The following CHRDL1 variants were observed in gnomAD, a reference collection of about 807,000 sequenced individuals.
CHRDL1 encodes the protein chordin-like protein 1.
CHRDL1 carries 19 observed loss-of-function variants against 40.9 expected under a neutral mutation model. The ratio of observed to expected loss-of-function variants is 0.46; its 90% confidence interval spans 0.32 to 0.68. The LOEUF (loss-of-function observed/expected upper bound fraction) is 0.68, where lower values mean the gene tolerates loss of function less well. CHRDL1 is among the 30% of genes least tolerant of loss of function. The probability of loss-of-function intolerance (pLI) is 0.03; values close to 1 mark genes in which losing one functional copy is unlikely to be tolerated. For missense variants in CHRDL1, 329 were observed against 352.1 expected, an observed-to-expected ratio of 0.93 and a Z score of 0.53; for synonymous variants, 136 against 123.4, an observed-to-expected ratio of 1.10 and a Z score of -0.68.
At chrX:110,751,618 T>G (rs1235934804) in intron 4 of CHRDL1, among the ~76,000 whole-genome samples, 2 of 111,721 alleles carry the variant, frequency 1.8e-5, no homozygotes, top group African/African-American at 6.5e-5. Context: ...AAAGACAAAA[T>G]GTAATAGATT....
In CHRDL1 at chrX:110,741,722, T is replaced by C. The variant is rs762703838; in HGVS notation, c.301+17939A>G. 3.6e-5 allele frequency among the ~76,000 whole-genome samples: 4 copies of C among 112,076 alleles called. No individual in the cohort carries two copies. The South Asian group carries it at 1.5e-3, about 42-fold the overall frequency. On this transcript the variant is annotated intron_variant, in intron 4 of 11. Transcript: ENST00000372042. ...TTTCTCCAGTGTCCTTGGCATCTGA[T>C]GACTACACTTGGGCTTAAGATTTTT...
At chrX:110,714,936 A>C (rs1409300967) in intron 6 of CHRDL1, among the ~76,000 whole-genome samples, 5 of 111,913 alleles carry the variant, frequency 4.5e-5, no homozygotes, top group Non-Finnish European at 9.4e-5. Flanking sequence ...AAAAATAACT[A>C]GGTGCTTCAA....
chrX:110,792,784 C>T (rs963192708), intron 1 of CHRDL1, among the ~76,000 whole-genome samples: 1 of 112,167 alleles, frequency 8.9e-6, no homozygotes, highest in South Asian at 3.7e-4. Context: ...CAAATGGATG[C>T]AATTAAACAC....
In CHRDL1 at chrX:110,700,555, G is replaced by A. The variant is rs191465362; in HGVS notation, c.609+99C>T. ...GGGAAGAAAAATGGTGTTAGAAATCGGGCCTTTTTTTTGGATTTGCTAGAA... is the reference window on the plus strand; with the variant it reads ...GGGAAGAAAAATGGTGTTAGAAATCAGGCCTTTTTTTTGGATTTGCTAGAA... On this transcript the variant is annotated intron_variant, in intron 7 of 11. Transcript: ENST00000372042. 1.0e-3 allele frequency: 573 copies of A among 567,799 alleles called. 2 individuals carry two copies. The African/African-American group carries it at 0.012, about 11-fold the overall frequency. The allele number at this position is 567,799 out of a possible 1,213,427, so 46.8% of individuals were successfully genotyped here. A position where few individuals can be genotyped will look rare whatever the true frequency, so the allele number is the denominator to read the frequency against.
chrX:110,705,493 GAT>G (rs201108546), intron 6 of CHRDL1, among the ~76,000 whole-genome samples: 6,169 of 23,538 alleles, frequency 0.26, 720 homozygotes, highest in African/African-American at 0.49. Context: ...AAAACTGTAT[GAT>G]ATATATATAT....
intron 10 of CHRDL1, among the ~76,000 whole-genome samples, chrX:110,680,433 C>T (rs1434892907): frequency 2.7e-5 from 3 of 111,439 alleles, no homozygotes; most frequent in African/African-American, 9.8e-5. Context: ...TAGATAAAGG[C>T]TGTTGTCTAA....
intron 8 of CHRDL1, among the ~76,000 whole-genome samples, chrX:110,689,734 T>C (rs1483942013): frequency 5.2e-5 from 3 of 57,749 alleles, no homozygotes; most frequent in African/African-American, 2.5e-4. Context: ...TATATCTATA[T>C]ATCTATATAT....
At chrX:110,679,899 A>AACTC (rs2069858378) in intron 10 of CHRDL1, among the ~76,000 whole-genome samples, 1 of 111,963 alleles carries the variant, frequency 8.9e-6, no homozygotes, top group South Asian at 3.8e-4. Flanking sequence ...CTTGTTCTTG[A>AACTC]ACTCACTGAA....
At chrX:110,767,804 C>T (rs1318611642) in intron 2 of CHRDL1, among the ~76,000 whole-genome samples, 1 of 110,602 alleles carries the variant, frequency 9.0e-6, no homozygotes, top group African/African-American at 3.3e-5. Context: ...ACCATACTGA[C>T]AAAAGCAATC....
At chrX:110,750,291 G>C (rs1365748955) in intron 4 of CHRDL1, among the ~76,000 whole-genome samples, 1 of 111,979 alleles carries the variant, frequency 8.9e-6, no homozygotes, top group Non-Finnish European at 1.9e-5. Context: ...GACAATTTCA[G>C]GTGTCAGGCA....
chrX:110,743,763 G>A (rs1471418258), intron 4 of CHRDL1, among the ~76,000 whole-genome samples: 4 of 111,818 alleles, frequency 3.6e-5, no homozygotes, highest in Non-Finnish European at 5.6e-5. Flanking sequence ...CAAGCACAAG[G>A]GCTCCCTAGG....
At chrX:110,760,100 A>G (rs2089534905) in intron 3 of CHRDL1, among the ~76,000 whole-genome samples, 1 of 111,815 alleles carries the variant, frequency 8.9e-6, no homozygotes, top group Non-Finnish European at 1.9e-5. Context: ...TGATTTCATA[A>G]TCACCTGTCC....
At chrX:110,759,534 T>G in intron 4 of CHRDL1, 127 bp downstream of exon 4, 2 of 517,871 alleles carry the variant, frequency 3.9e-6, no homozygotes, top group Non-Finnish European at 6.9e-6. Context: ...CAGTTTGGAC[T>G]GCCTAAAGGT....
chrX:110,703,665 A>G lies in CHRDL1; in HGVS notation c.542-2944T>C, dbSNP rs183900450. On this transcript the variant is annotated intron_variant, in intron 6 of 11. Transcript: ENST00000372042. ...CTAAAAACACACAAAAAAAGCAAAT[A>G]CAAATGAAATACACATGCTTAGGAG... Among the ~76,000 whole-genome samples the G allele has an allele frequency of 5.3e-5, 6 of 112,237 alleles. No individual in the cohort carries two copies. In the South Asian group the frequency reaches 1.1e-3, roughly 21 times the overall value.
chrX:110,775,893 G>T (rs2089844661), intron 2 of CHRDL1, among the ~76,000 whole-genome samples: 1 of 110,234 alleles, frequency 9.1e-6, no homozygotes. Flanking sequence ...CTTCGTTTAA[G>T]AAAGTTTTTA....
At chrX:110,743,104 A>C (rs147117616) in intron 4 of CHRDL1, among the ~76,000 whole-genome samples, 299 of 112,912 alleles carry the variant, frequency 2.6e-3, no homozygotes, top group African/African-American at 8.9e-3. Flanking sequence ...CACATTTCAA[A>C]TGTTCAACAG....
At chrX:110,760,947 C>A in intron 3 of CHRDL1, among the ~76,000 whole-genome samples, 1 of 110,870 alleles carries the variant, frequency 9.0e-6, no homozygotes, top group Non-Finnish European at 1.9e-5. Context: ...TAAAGTGAAT[C>A]CTCATTAATG....
intron 6 of CHRDL1, among the ~76,000 whole-genome samples, chrX:110,707,203 C>T (rs1180446927): frequency 3.6e-5 from 4 of 111,740 alleles, no homozygotes; most frequent in East Asian, 2.8e-4. Flanking sequence ...AAGGATTCTC[C>T]ACTGATAGGC....
chrX:110,732,527 G>A (rs1936506045), intron 4 of CHRDL1, among the ~76,000 whole-genome samples: 1 of 111,927 alleles, frequency 8.9e-6, no homozygotes, highest in Admixed American at 9.5e-5. Context: ...GTGGAAGAGG[G>A]CGCTGAAAGC....
Sources: gnomAD v4.1 joint callset for allele counts (sites outside exome capture counted in the v4.1 genomes callset) on GRCh38, gnomAD v4.1.1 for gene constraint, MANE v1.5 for transcripts, NCBI Gene and HGNC (gene_info 2026-07-23, HGNC 2026-07-21) for gene names.